THBD: variants seen among roughly 807,000 people sequenced by gnomAD.
The protein encoded by THBD is CD141 antigen.
For missense variants in THBD, 850 were observed against 816.9 expected (o/e 1.04, Z -0.49); for synonymous variants, 449 against 374.2 (o/e 1.20, Z -2.31).
Position 23,047,638 on chromosome 20 carries a change from T to A in THBD, c.*139A>T, listed in dbSNP as rs1311998412. ...TAATCACCCCCTCGCCAGTTAGCCA[T>A]GGAATAGAAGAAAACAGCTTGGGGG... On this transcript the variant is annotated 3_prime_UTR_variant, in exon 1 of 1. Coordinates refer to ENST00000377103, the MANE Select transcript of THBD (RefSeq NM_000361.3). 4.9e-6 allele frequency: 5 copies of A among 1,021,974 alleles called. No homozygotes were observed. In the African/African-American group the frequency reaches 8.1e-5, roughly 17 times the overall value. The allele number at this position is 1,021,974 out of a possible 1,614,324, so 63.3% of individuals were successfully genotyped here.
rs780997733 is a variant in THBD at position 23,049,431 on chromosome 20, G to T, written c.74C>A (p.Pro25Gln). The T allele has an allele frequency of 1.0e-5, 16 of 1,568,050 alleles. No homozygotes were observed. The highest frequency in any genetic ancestry group is 1.4e-5 in the Non-Finnish European group (16 of 1,157,808). Residue 25 changes from proline to glutamine, a missense_variant, in exon 1 of 1, where the codon CCG becomes CAG. Physicochemically the swap from Pro to Gln is moderately conservative, Grantham distance 76 (BLOSUM62 -1). Transcript: ENST00000377103. Reference sequence around the variant, plus strand: ...GTGCTCGACGCACTGGCTGCCACCCGGCTGCGGCTCTGCGGGTGCGGGGAA... The same window carrying T: ...GTGCTCGACGCACTGGCTGCCACCCTGCTGCGGCTCTGCGGGTGCGGGGAA... ...LGFPAPAEPQ[P>Q]GGSQCVEHDC...
At position 23,048,482 on chromosome 20, in the gene THBD, G is replaced by T; in HGVS notation, c.1023C>A (p.Val341=). ...LEPSPCPQRC[V]NTQGGFECHC... ...GGCACTCGAAGCCACCCTGTGTGTT[G>T]ACACAGCGCTGCGGACACGGACTGG... Residue 341 remains valine, a synonymous_variant, in exon 1 of 1, where the codon GTC becomes GTA. Coordinates refer to ENST00000377103, the MANE Select transcript of THBD (RefSeq NM_000361.3). The T allele has an allele frequency of 6.2e-7, 1 of 1,611,600 alleles. No homozygotes were observed. The highest frequency in any genetic ancestry group is 8.5e-7 in the Non-Finnish European group (1 of 1,180,032).
chr20:23,047,448 G>A lies in THBD; in HGVS notation c.*329C>T. On this transcript the variant is annotated 3_prime_UTR_variant, in exon 1 of 1. Transcript: ENST00000377103. ...ATTTTAGTCATCCCTAGCCCACGAG[G>A]TCAAGGTCTGCCCAGAAGGCTGCCG... The A allele has an allele frequency of 6.9e-6, 3 of 433,330 alleles. No homozygotes were observed. The highest frequency in any genetic ancestry group is 4.7e-5 in the South Asian group (1 of 21,098). The allele number at this position is 433,330 out of a possible 1,614,324, so 26.8% of individuals were successfully genotyped here. A position where few individuals can be genotyped will look rare whatever the true frequency, so the allele number is the denominator to read the frequency against.
chr20:23,048,202 C>G lies in THBD; in HGVS notation c.1303G>C (p.Asp435His). 1 of 1,614,072 alleles carries G rather than the reference C, an allele frequency of 6.2e-7. No homozygotes were observed. Among genetic ancestry groups the G allele is most frequent in the Non-Finnish European group, 8.5e-7 (1 of 1,180,056 alleles). ...TCGATGTCCGTGCAGATGAAACCGT[C>G]GTCCAGGATGTAGCCTTCAGGGCAC... ...CECPEGYILD[D>H]GFICTDIDEC... Residue 435 changes from aspartate (D) to histidine (H), a missense_variant, in exon 1 of 1, where the codon GAC becomes CAC. Transcript: ENST00000377103.
At position 23,047,822 on chromosome 20, in the gene THBD, T is replaced by C; in HGVS notation, c.1683A>G (p.Val561=). ...EYKCAAPSKE[V]VLQHVRTERT... is the part of the protein sequence containing the mutation. ...GCTCGGTCCGCACGTGCTGCAGCAC[T>C]ACCTCCTTGGAAGGGGCCGCGCACT... The change falls in exon 1 of 1, where the codon GTA becomes GTG. Residue 561 remains valine (V), a synonymous_variant. Transcript: ENST00000377103. The C allele has an allele frequency of 6.3e-7, 1 of 1,599,296 alleles. No homozygotes were observed. Among genetic ancestry groups the C allele is most frequent in the Non-Finnish European group, 8.5e-7 (1 of 1,173,372 alleles).
Position 23,049,590 on chromosome 20 carries a change from C to G in THBD, c.-86G>C. The G allele has an allele frequency of 1.3e-6, 2 of 1,509,280 alleles. No individual in the cohort carries two copies. The highest frequency in any genetic ancestry group is 1.8e-6 in the Non-Finnish European group (2 of 1,111,670). 93.5% of individuals were successfully genotyped at this position (1,509,280 alleles called of 1,614,324 possible). A position where few individuals can be genotyped will look rare whatever the true frequency, so the allele number is the denominator to read the frequency against. ...GCCGGAGCAGAGGGGCACAGGACGC[C>G]GATGGCGACAGCCTCTCCTGTCCGT... On this transcript the variant is annotated 5_prime_UTR_variant, in exon 1 of 1. Coordinates refer to ENST00000377103, the MANE Select transcript of THBD (RefSeq NM_000361.3).
rs1367891985 is a variant in THBD at position 23,048,464 on chromosome 20, G to A, written c.1041C>T (p.Phe347=). The part of the protein sequence containing the change: ...PQRCVNTQGG[F]ECHCYPNYDL... ...CGTAGTTAGGGTAGCAGTGGCACTC[G>A]AAGCCACCCTGTGTGTTGACACAGC... Residue 347 remains phenylalanine, a synonymous_variant, in exon 1 of 1, where the codon TTC becomes TTT. Transcript: ENST00000377103. 5.0e-6 allele frequency: 8 copies of A among 1,612,954 alleles called. No individual in the cohort carries two copies. Among genetic ancestry groups the A allele is most frequent in the Admixed American group, 1.7e-5 (1 of 60,010 alleles).
chr20:23,049,403 G>T lies in THBD; in HGVS notation c.102C>A (p.Asp34Glu). 6.3e-7 allele frequency: 1 copy of T among 1,593,330 alleles called. No individual in the cohort carries two copies. The change falls in exon 1 of 1, where the codon GAC becomes GAA. Residue 34 changes from aspartate (D) to glutamate (E), a missense_variant. Asp to Glu is a conservative substitution (Grantham distance 45). Coordinates refer to ENST00000377103, the MANE Select transcript of THBD (RefSeq NM_000361.3). The part of the protein sequence containing the change: ...QPGGSQCVEH[D>E]CFALYPGPAT... Reference sequence around the variant, plus strand: ...CGGGGCCCGGGTAGAGCGCGAAGCAGTCGTGCTCGACGCACTGGCTGCCAC... The same window carrying T: ...CGGGGCCCGGGTAGAGCGCGAAGCATTCGTGCTCGACGCACTGGCTGCCAC...
rs1156266935 is a variant in THBD at position 23,049,651 on chromosome 20, C to T, written c.-147G>A. The T allele has an allele frequency of 3.6e-6, 4 of 1,119,856 alleles. No individual in the cohort carries two copies. The highest frequency in any genetic ancestry group is 1.3e-6 in the Non-Finnish European group (1 of 764,832). 69.4% of individuals were successfully genotyped at this position (1,119,856 alleles called of 1,614,324 possible). A position where few individuals can be genotyped will look rare whatever the true frequency, so the allele number is the denominator to read the frequency against. ...ACACTTCTTGCCGCTGCGCGCAGCC[C>T]CTGCGAGGCAGCCTCTGACATGCGG... On this transcript the variant is annotated 5_prime_UTR_variant, in exon 1 of 1. Coordinates refer to ENST00000377103, the MANE Select transcript of THBD (RefSeq NM_000361.3).
At position 23,049,214 on chromosome 20, in the gene THBD, G is replaced by A; in HGVS notation, c.291C>T (p.Gly97=). The change falls in exon 1 of 1, where the codon GGC becomes GGT. Residue 97 remains glycine (G), a synonymous_variant. Coordinates refer to ENST00000377103, the MANE Select transcript of THBD (RefSeq NM_000361.3). Reference sequence around the variant, plus strand: ...GCAGGGGCCCGAGGCGCTTGGGGTCGCCGCAGCCGGGTGGCAGCTGCAGGC... The same window carrying A: ...GCAGGGGCCCGAGGCGCTTGGGGTCACCGCAGCCGGGTGGCAGCTGCAGGC... ...WIGLQLPPGC[G]DPKRLGPLRG... 1 of 1,557,684 alleles carries A rather than the reference G, an allele frequency of 6.4e-7. No individual in the cohort carries two copies. The highest frequency in any genetic ancestry group is 8.7e-7 in the Non-Finnish European group (1 of 1,150,902).
At position 23,049,510 on chromosome 20, in the gene THBD, C is replaced by A; in HGVS notation, c.-6G>T. ...AGGACCAGGACCCCAAGCATGTTAC[C>A]CAGGCGCGCCGCGTGCAGGCGCCGG... On this transcript the variant is annotated 5_prime_UTR_variant, in exon 1 of 1. Coordinates refer to ENST00000377103, the MANE Select transcript of THBD (RefSeq NM_000361.3). The A allele has an allele frequency of 6.5e-7, 1 of 1,531,542 alleles. No individual in the cohort carries two copies. Among genetic ancestry groups the A allele is most frequent in the Non-Finnish European group, 8.8e-7 (1 of 1,137,788 alleles). 94.9% of individuals were successfully genotyped at this position (1,531,542 alleles called of 1,614,324 possible).
chr20:23,049,425 C>A lies in THBD; in HGVS notation c.80G>T (p.Gly27Val). The A allele has an allele frequency of 1.3e-6, 2 of 1,572,384 alleles. No homozygotes were observed. Among genetic ancestry groups the A allele is most frequent in the South Asian group, 2.3e-5 (2 of 86,162 alleles). ...GCAGTCGTGCTCGACGCACTGGCTG[C>A]CACCCGGCTGCGGCTCTGCGGGTGC... is the stretch of plus-strand genomic sequence containing the variant. ...FPAPAEPQPGGSQCVEHDCFA... is the reference protein window; with the variant it reads ...FPAPAEPQPGVSQCVEHDCFA... The change falls in exon 1 of 1, where the codon GGC becomes GTC. Residue 27 changes from glycine (G) to valine (V), a missense_variant. Transcript: ENST00000377103.
Position 23,048,536 on chromosome 20 carries a change from G to C in THBD, c.969C>G (p.Cys323Trp). Residue 323 changes from cysteine (C) to tryptophan (W), a missense_variant, in exon 1 of 1, where the codon TGC becomes TGG. Cys to Trp is a radical substitution (Grantham distance 215). Transcript: ENST00000377103. Reference sequence around the variant, plus strand: ...CCAGTATGCAGTCATCCACGTCCTCGCACCGGTGTTGGTCGGCCGCCAGCC... The same window carrying C: ...CCAGTATGCAGTCATCCACGTCCTCCCACCGGTGTTGGTCGGCCGCCAGCC... ...GYRLAADQHR[C>W]EDVDDCILEP... 1 of 1,601,836 alleles carries C rather than the reference G, an allele frequency of 6.2e-7. No individual in the cohort carries two copies. Among genetic ancestry groups the C allele is most frequent in the Non-Finnish European group, 8.5e-7 (1 of 1,179,832 alleles).
In THBD at chr20:23,049,022, CT is replaced by C; in HGVS notation, c.482del (p.Lys161ArgfsTer62). The C allele has an allele frequency of 1.3e-6, 2 of 1,573,750 alleles. No homozygotes were observed. The highest frequency in any genetic ancestry group is 1.3e-5 in the African/African-American group (1 of 74,236). The stretch of plus-strand genomic sequence containing the variant: ...GGAACTCGCAGAGGAAGCCATCGGC[CT>C]TCACTTCGCACTGCTGCTCCTCCCA... ...PIWEEQQCEVKADGFLCEFHF... is the reference protein window; with the variant it reads ...PIWEEQQCEVXADGFLCEFHF... On this transcript the variant is annotated frameshift_variant, in exon 1 of 1. Coordinates refer to ENST00000377103, the MANE Select transcript of THBD (RefSeq NM_000361.3). LOFTEE classifies it low-confidence loss of function (END_TRUNC).
In THBD at chr20:23,046,508, G is replaced by A. The variant is rs528933728; in HGVS notation, c.*1269C>T. On this transcript the variant is annotated 3_prime_UTR_variant, in exon 1 of 1. Coordinates refer to ENST00000377103, the MANE Select transcript of THBD (RefSeq NM_000361.3). ...CATTTCTAACCAGCTCCCATGGGCA[G>A]GGCAGCTTCCAATTCTTGTTCAGGG... 6 of 152,318 alleles carry A rather than the reference G, an allele frequency of 3.9e-5. No homozygotes were observed. The highest frequency in any genetic ancestry group is 8.8e-5 in the Non-Finnish European group (6 of 68,034). The allele number at this position is 152,318 out of a possible 1,614,324, so 9.4% of individuals were successfully genotyped here.
rs936563265 is a variant in THBD, at chr20:23,047,414, AAAAT to A, written c.*359_*362del. On this transcript the variant is annotated 3_prime_UTR_variant, in exon 1 of 1. Coordinates refer to ENST00000377103, the MANE Select transcript of THBD (RefSeq NM_000361.3). ...CAAACAAAAACCTAAATACTTAAAA[AAAAT>A]AAATATTTTAGTCATCCCTAGCCCA... 11 of 293,238 alleles carry A rather than the reference AAAAT, an allele frequency of 3.8e-5. No homozygotes were observed. Among genetic ancestry groups the A allele is most frequent in the East Asian group, 3.1e-4 (5 of 16,144 alleles). 18.2% of individuals were successfully genotyped at this position (293,238 alleles called of 1,614,324 possible).
rs1984595348 is a variant in THBD at position 23,047,334 on chromosome 20, A to T, written c.*443T>A. On this transcript the variant is annotated 3_prime_UTR_variant, in exon 1 of 1. Coordinates refer to ENST00000377103, the MANE Select transcript of THBD (RefSeq NM_000361.3). ...AGTGGGAGTTTGTAGAGAGAGAGAG[A>T]CCGGAGAGCTGTGCAAAGTGGATAC... 1 of 164,388 alleles carries T rather than the reference A, an allele frequency of 6.1e-6. No individual in the cohort carries two copies. Among genetic ancestry groups the T allele is most frequent in the Non-Finnish European group, 1.3e-5 (1 of 76,060 alleles). The allele number at this position is 164,388 out of a possible 1,614,324, so 10.2% of individuals were successfully genotyped here.
At position 23,048,958 on chromosome 20, in the gene THBD, CG is replaced by C; in HGVS notation, c.546del (p.Gly183AlafsTer40). 6.4e-7 allele frequency: 1 copy of C among 1,551,828 alleles called. No homozygotes were observed. Among genetic ancestry groups the C allele is most frequent in the Non-Finnish European group, 8.7e-7 (1 of 1,151,680 alleles). Reference sequence around the variant, plus strand: ...ATCGAGACGGCGGCAGCCGCGGCGCCGGGCTCCACAGCCAGTGGCCTGCAGG... The same window carrying C: ...ATCGAGACGGCGGCAGCCGCGGCGCCGGCTCCACAGCCAGTGGCCTGCAGG... ...PATCRPLAVE[P>X]GAAAAAVSIT... On this transcript the variant is annotated frameshift_variant, in exon 1 of 1. Transcript: ENST00000377103. LOFTEE classifies it low-confidence loss of function (END_TRUNC).
At position 23,048,902 on chromosome 20, in the gene THBD, T is replaced by C; in HGVS notation, c.603A>G (p.Gly201=). 6.6e-7 allele frequency: 1 copy of C among 1,520,814 alleles called. No homozygotes were observed. The highest frequency in any genetic ancestry group is 8.8e-7 in the Non-Finnish European group (1 of 1,137,520). 94.2% of individuals were successfully genotyped at this position (1,520,814 alleles called of 1,614,324 possible). A position where few individuals can be genotyped will look rare whatever the true frequency, so the allele number is the denominator to read the frequency against. Residue 201 remains glycine (G), a synonymous_variant, in exon 1 of 1, where the codon GGA becomes GGG. Coordinates refer to ENST00000377103, the MANE Select transcript of THBD (RefSeq NM_000361.3). ...ITYGTPFAAR[G]ADFQALPVGS... is the part of the protein sequence containing the mutation. ...CCACCGGCAGCGCCTGGAAGTCCGC[T>C]CCGCGGGCCGCGAACGGGGTGCCGT...
Sources: gnomAD v4.1 joint callset for allele counts on GRCh38, gnomAD v4.1.1 for gene constraint, MANE v1.5 for transcripts, NCBI Gene and HGNC (gene_info 2026-07-23, HGNC 2026-07-21) for gene names.